RPTOR: variants seen among roughly 807,000 people sequenced by gnomAD.
RPTOR encodes regulatory associated protein of MTOR complex 1, also known as regulatory-associated protein of mTOR.
RPTOR carries 21 observed loss-of-function variants against 169.9 expected under a neutral mutation model. The ratio of observed to expected loss-of-function variants is 0.12; its 90% CI spans 0.09 to 0.18. The LOEUF is 0.18. Among genes scored for constraint, RPTOR ranks in the 10% least tolerant of loss-of-function variants. The pLI, the probability that RPTOR is intolerant of heterozygous loss-of-function variation, is 1.00. For synonymous variants in RPTOR, 732 were observed against 753.2 expected (o/e 0.97, Z 0.46); for missense variants, 1,133 against 1,855.9 (o/e 0.61, Z 7.16).
intron 3 of RPTOR, among the ~76,000 whole-genome samples, chr17:80,678,173 TGTAG>T (rs2065873543): frequency 6.6e-6 from 1 of 152,226 alleles, no homozygotes; most frequent in Admixed American, 6.5e-5. Flanking sequence ...CACCTTGGGT[TGTAG>T]GTAGTTGACA....
intron 1 of RPTOR, among the ~76,000 whole-genome samples, chr17:80,568,305 G>T (rs1394589749): frequency 6.6e-6 from 1 of 152,160 alleles, no homozygotes; most frequent in Non-Finnish European, 1.5e-5. Flanking sequence ...TTTGCTTATA[G>T]TACTGGTATT....
intron 2 of RPTOR, among the ~76,000 whole-genome samples, chr17:80,628,653 T>C (rs948579757): frequency 3.9e-4 from 60 of 152,146 alleles, no homozygotes; most frequent in African/African-American, 1.4e-3. Context: ...CTTTTTTTTT[T>C]CTTTTAGAGA....
rs115775927 is a variant in RPTOR at position 80,619,320 on chromosome 17, T to C, written c.163-6371T>C. Reference sequence around the variant, plus strand: ...ACATGTTTAATTTCTTCATTCTGCATGGTGACTTAGGTGTCACTGCACGTC... The same window carrying C: ...ACATGTTTAATTTCTTCATTCTGCACGGTGACTTAGGTGTCACTGCACGTC... On this transcript the variant is annotated intron_variant, in intron 1 of 33. Transcript: ENST00000306801. Among the ~76,000 whole-genome samples, 523 of 152,314 alleles carry C rather than the reference T, an allele frequency of 3.4e-3. 1 individual carries two copies. The highest frequency in any genetic ancestry group is 0.012 in the African/African-American group (507 of 41,570).
chr17:80,943,216 G>A (rs1568001407), intron 25 of RPTOR, among the ~76,000 whole-genome samples: 2 of 152,232 alleles, frequency 1.3e-5, no homozygotes, highest in African/African-American at 4.8e-5. Context: ...TGCTGGAGGT[G>A]GGCGGCTTTG....
intron 15 of RPTOR, 106 bp from the exon 16 acceptor site, chr17:80,883,675 C>A: frequency 1.5e-6 from 2 of 1,341,910 alleles, no homozygotes; most frequent in Non-Finnish European, 2.1e-6. Flanking sequence ...TTGAGCAAAT[C>A]AAGGCTTCCC....
intron 24 of RPTOR, among the ~76,000 whole-genome samples, chr17:80,935,803 G>GT (rs1226267688): frequency 6.6e-6 from 1 of 152,098 alleles, no homozygotes; most frequent in Non-Finnish European, 1.5e-5. Context: ...GACCTTGTAG[G>GT]TTAGGCAATG....
intron 5 of RPTOR, among the ~76,000 whole-genome samples, chr17:80,752,353 G>C (rs1412640191): frequency 2.0e-5 from 3 of 152,226 alleles, no homozygotes; most frequent in African/African-American, 7.2e-5. Context: ...CACAGTGTCT[G>C]AGGACTCTGC....
intron 27 of RPTOR, 145 bp from the exon 28 acceptor site, chr17:80,949,298 A>G: frequency 1.4e-6 from 1 of 727,684 alleles, no homozygotes; most frequent in South Asian, 1.6e-5. Flanking sequence ...GCACCCAGAG[A>G]TCTGGAACCA....
chr17:80,658,826 C>T (rs1017095330), intron 3 of RPTOR, among the ~76,000 whole-genome samples: 1 of 152,172 alleles, frequency 6.6e-6, no homozygotes, highest in Non-Finnish European at 1.5e-5. Flanking sequence ...TTTTTCTATT[C>T]TGTGATTTCC....
intron 17 of RPTOR, 70 bp downstream of exon 17, chr17:80,885,218 C>T (rs544060404): frequency 6.7e-5 from 101 of 1,509,330 alleles, no homozygotes; most frequent in Non-Finnish European, 8.5e-5. Context: ...GGGCCAAGCC[C>T]GCATGGCCCT....
intron 1 of RPTOR, among the ~76,000 whole-genome samples, chr17:80,567,055 C>G (rs1048511184): frequency 2.6e-5 from 4 of 151,820 alleles, no homozygotes; most frequent in African/African-American, 9.7e-5. Context: ...ACTGCAACCT[C>G]TGTCTCCCAG....
At chr17:80,852,791 TGCTCCTGACTCGGTG>T (rs2067807521) in intron 11 of RPTOR, among the ~76,000 whole-genome samples, 2 of 152,090 alleles carry the variant, frequency 1.3e-5, no homozygotes, top group Middle Eastern at 6.8e-3. Context: ...CCAGGGCCCA[TGCTCCTGACTCGGTG>T]GCTCCTCCGT....
intron 20 of RPTOR, among the ~76,000 whole-genome samples, chr17:80,907,222 C>T (rs564216404): frequency 7.2e-5 from 11 of 152,384 alleles, no homozygotes; most frequent in African/African-American, 2.6e-4. Flanking sequence ...ACTCGAAACC[C>T]TTTGAATCTC....
intron 1 of RPTOR, among the ~76,000 whole-genome samples, chr17:80,553,588 A>G (rs1216728750): frequency 2.0e-5 from 3 of 152,196 alleles, no homozygotes; most frequent in African/African-American, 7.2e-5. Context: ...AAATGTGCCC[A>G]CATTTGGAAC....
chr17:80,894,930 G>A (rs1424646517), intron 20 of RPTOR, among the ~76,000 whole-genome samples: 4 of 152,206 alleles, frequency 2.6e-5, no homozygotes, highest in African/African-American at 4.8e-5. Flanking sequence ...TCCTATTGGC[G>A]CCGTCGCACG....
At chr17:80,869,876 T>C (rs1055466248) in intron 13 of RPTOR, among the ~76,000 whole-genome samples, 2 of 152,182 alleles carry the variant, frequency 1.3e-5, no homozygotes, top group Non-Finnish European at 2.9e-5. Flanking sequence ...CTTAGGGTCA[T>C]GTGATGGGAC....
At chr17:80,881,509 A>G (rs1381850381) in intron 14 of RPTOR, among the ~76,000 whole-genome samples, 1 of 152,244 alleles carries the variant, frequency 6.6e-6, no homozygotes, top group East Asian at 1.9e-4. Flanking sequence ...TTTTGAGGAC[A>G]CAGCCAGGTT....
At chr17:80,596,485 G>C (rs74000803) in intron 1 of RPTOR, among the ~76,000 whole-genome samples, 3,167 of 152,182 alleles carry the variant, frequency 0.021, 124 homozygotes, top group African/African-American at 0.073. Context: ...TGTGGGCATA[G>C]GTTGGGGTGT....
chr17:80,785,202 A>G (rs2066979369), intron 6 of RPTOR, among the ~76,000 whole-genome samples: 1 of 152,222 alleles, frequency 6.6e-6, no homozygotes, highest in Non-Finnish European at 1.5e-5. Context: ...TAAGCCACCT[A>G]CAGCCTCTCT....
Sources: allele counts gnomAD v4.1 joint callset (sites outside exome capture counted in the v4.1 genomes callset), GRCh38; gene constraint gnomAD v4.1.1; transcripts MANE v1.5; gene names NCBI Gene and HGNC (gene_info 2026-07-23, HGNC 2026-07-21).